TOX: variants seen among roughly 807,000 people sequenced by gnomAD.
The protein encoded by TOX is thymocyte selection associated high mobility group box, also known as thymocyte selection-associated high mobility group box protein TOX.
A neutral mutation model predicts 53.7 loss-of-function variants in TOX; 11 were observed. That is an observed-to-expected ratio of 0.20 (90% CI 0.13 to 0.34). The LOEUF (loss-of-function observed/expected upper bound fraction) is 0.34. TOX is among the 10% of genes least tolerant of loss of function. The pLI, the probability that TOX is intolerant of heterozygous loss-of-function variation, is 1.00. For synonymous variants in TOX, 225 were observed against 245.3 expected, an observed-to-expected ratio of 0.92 and a Z score of 0.77; for missense variants, 570 against 664.6, an observed-to-expected ratio of 0.86 and a Z score of 1.56.
intron 1 of TOX, among the ~76,000 whole-genome samples, chr8:59,046,025 C>T (rs766649412): frequency 3.3e-5 from 5 of 152,256 alleles, no homozygotes; most frequent in East Asian, 1.9e-4. Flanking sequence ...CCTGTGTTTG[C>T]GCTCAGAGGT....
chr8:58,950,278 T>A (rs1812599823), intron 2 of TOX, among the ~76,000 whole-genome samples: 1 of 152,172 alleles, frequency 6.6e-6, no homozygotes, highest in African/African-American at 2.4e-5. Context: ...TACGTGTCTA[T>A]TTATGGCCAA....
chr8:59,109,717 T>C (rs1804978469), intron 1 of TOX, among the ~76,000 whole-genome samples: 2 of 152,204 alleles, frequency 1.3e-5, no homozygotes, highest in African/African-American at 4.8e-5. Context: ...AACATGATTT[T>C]TAAAACTTCG....
intron 1 of TOX, among the ~76,000 whole-genome samples, chr8:59,090,221 C>G (rs1222399695): frequency 6.6e-6 from 1 of 152,150 alleles, no homozygotes; most frequent in African/African-American, 2.4e-5. Flanking sequence ...CAAGGAACAC[C>G]TATCAAAAAT....
At chr8:58,953,957 C>G (rs959052923) in intron 2 of TOX, among the ~76,000 whole-genome samples, 13 of 151,796 alleles carry the variant, frequency 8.6e-5, no homozygotes, top group Non-Finnish European at 1.6e-4. Flanking sequence ...GTTAGGAAAA[C>G]ATGAAATTAA....
chr8:59,021,238 A>T (rs1814123413), intron 1 of TOX, among the ~76,000 whole-genome samples: 2 of 151,348 alleles, frequency 1.3e-5, no homozygotes, highest in Non-Finnish European at 2.9e-5. Flanking sequence ...TTTCTATTAA[A>T]AAAAAATTGC....
intron 1 of TOX, among the ~76,000 whole-genome samples, chr8:58,983,513 T>C (rs1813240662): frequency 6.6e-6 from 1 of 152,254 alleles, no homozygotes; most frequent in Non-Finnish European, 1.5e-5. Context: ...AAGTTCTTCA[T>C]ATGTAAAAGT....
At chr8:59,032,130 G>C (rs937322342) in intron 1 of TOX, among the ~76,000 whole-genome samples, 1 of 152,162 alleles carries the variant, frequency 6.6e-6, no homozygotes, top group Non-Finnish European at 1.5e-5. Context: ...TATCAGAAAT[G>C]GAGAGGAAGA....
rs1466794843 is a variant in TOX at position 58,884,073 on chromosome 8, G to A, written c.412-32268C>T. Among the ~76,000 whole-genome samples the A allele has an allele frequency of 3.9e-5, 6 of 152,130 alleles. No homozygotes were observed. The East Asian group carries it at 1.2e-3, about 29-fold the overall frequency. On this transcript the variant is annotated intron_variant, in intron 3 of 8. Transcript: ENST00000361421. ...TTCGTCAAACCACCAGGGTCCAGCT[G>A]AGGCTTCAAGCAGAAAGAAAGAAAA...
chr8:58,870,903 G>A (rs1450542478), intron 3 of TOX, among the ~76,000 whole-genome samples: 1 of 151,992 alleles, frequency 6.6e-6, no homozygotes, highest in Non-Finnish European at 1.5e-5. Flanking sequence ...ATATTAAATA[G>A]TCTTCACATA....
chr8:59,014,048 G>T (rs1367503979), intron 1 of TOX, among the ~76,000 whole-genome samples: 1 of 152,166 alleles, frequency 6.6e-6, no homozygotes, highest in East Asian at 1.9e-4. Flanking sequence ...AGGGGGACAG[G>T]GAGAGGAAAT....
intron 1 of TOX, among the ~76,000 whole-genome samples, chr8:58,971,766 G>A (rs990944776): frequency 5.3e-5 from 8 of 152,106 alleles, no homozygotes; most frequent in African/African-American, 1.9e-4. Context: ...TCAACTCACG[G>A]CAACCTCCGC....
At chr8:58,990,064 A>G (rs979419042) in intron 1 of TOX, among the ~76,000 whole-genome samples, 1 of 152,224 alleles carries the variant, frequency 6.6e-6, no homozygotes, top group Non-Finnish European at 1.5e-5. Flanking sequence ...GGCTTCATGC[A>G]ATATTTACTA....
chr8:58,980,800 C>T (rs75566867), intron 1 of TOX, among the ~76,000 whole-genome samples: 3,257 of 152,232 alleles, frequency 0.021, 142 homozygotes, highest in African/African-American at 0.075. Context: ...AAGGTGTTTC[C>T]ACCTTTCCAG....
chr8:59,087,234 G>A (rs1449699163), intron 1 of TOX, among the ~76,000 whole-genome samples: 1 of 152,078 alleles, frequency 6.6e-6, no homozygotes, highest in Admixed American at 6.6e-5. Context: ...TGGCACCCAG[G>A]GAGAAGCTGG....
At position 58,878,126 on chromosome 8, in the gene TOX, C is replaced by G. The variant is rs372230244; in HGVS notation, c.412-26321G>C. On this transcript the variant is annotated intron_variant, in intron 3 of 8. Transcript: ENST00000361421. ...TCAGCTTTTTATCCCTGATGTTTAT[C>G]CCATCTTGACTCACAATTCTTTTCC... Among the ~76,000 whole-genome samples the G allele has an allele frequency of 8.5e-5, 13 of 152,084 alleles. No individual in the cohort carries two copies. The East Asian group carries it at 2.1e-3, about 25-fold the overall frequency.
At chr8:59,044,476 C>T (rs563474085) in intron 1 of TOX, among the ~76,000 whole-genome samples, 6 of 152,238 alleles carry the variant, frequency 3.9e-5, no homozygotes, top group East Asian at 3.9e-4. Flanking sequence ...CCACAGGCTA[C>T]GATGATGCCT....
chr8:58,815,665 C>T lies in TOX; in HGVS notation c.1065G>A (p.Lys355=). 1 of 1,614,036 alleles carries T rather than the reference C, an allele frequency of 6.2e-7. No homozygotes were observed. Among genetic ancestry groups the T allele is most frequent in the South Asian group, 1.1e-5 (1 of 91,072 alleles). ...TSQPPQLINS[K]PSVFHGPSQA... ...GGCTGGGCCCATGGAACACCGACGG[C>T]TTCGAATTGATCAGCTGAGGAGGTT... The change falls in exon 7 of 9, where the codon AAG becomes AAA. Residue 355 remains lysine (K), a synonymous_variant. Coordinates refer to ENST00000361421, the MANE Select transcript of TOX (RefSeq NM_014729.3).
chr8:58,946,613 T>C (rs1298993699), intron 2 of TOX, among the ~76,000 whole-genome samples: 3 of 152,222 alleles, frequency 2.0e-5, no homozygotes, highest in East Asian at 1.9e-4. Flanking sequence ...CAATAAATCA[T>C]CTTCATTTAA....
At chr8:59,065,554 C>T (rs1226306472) in intron 1 of TOX, among the ~76,000 whole-genome samples, 1 of 152,164 alleles carries the variant, frequency 6.6e-6, no homozygotes, top group African/African-American at 2.4e-5. Flanking sequence ...ATAATCTAAT[C>T]TGACCCCTTC....
Sources: gnomAD v4.1 joint callset for allele counts (sites outside exome capture counted in the v4.1 genomes callset) on GRCh38, gnomAD v4.1.1 for gene constraint, MANE v1.5 for transcripts, NCBI Gene and HGNC (gene_info 2026-07-23, HGNC 2026-07-21) for gene names.